Variants in PDE1C observed in about 807,000 individuals in gnomAD.
The protein encoded by PDE1C is dual specificity calcium/calmodulin-dependent 3',5'-cyclic nucleotide phosphodiesterase 1C.
Under a neutral mutation model 93.1 loss-of-function variants are expected in PDE1C, and 62 were observed. The ratio of observed to expected loss-of-function variants is 0.67; its 90% CI spans 0.54 to 0.82. PDE1C has a LOEUF of 0.82. Among genes scored for constraint, PDE1C ranks in the 40% least tolerant of loss-of-function variants. The pLI is 0.00. For synonymous variants in PDE1C, 325 were observed against 310.1 expected, an observed-to-expected ratio of 1.05 and a Z score of -0.50; for missense variants, 742 against 884.6, an observed-to-expected ratio of 0.84 and a Z score of 2.04.
chr7:32,183,650 T>A (rs1335061119), intron 2 of PDE1C, among the ~76,000 whole-genome samples: 1 of 152,188 alleles, frequency 6.6e-6, no homozygotes, highest in East Asian at 1.9e-4. Context: ...AAAAATTAAT[T>A]CAAGATGGAT....
intron 3 of PDE1C, among the ~76,000 whole-genome samples, chr7:32,118,501 A>G (rs183603685): frequency 1.3e-5 from 2 of 152,336 alleles, no homozygotes; most frequent in East Asian, 3.9e-4. Context: ...ACCTTATCTT[A>G]TAGTCTTGTT....
chr7:31,617,190 A>G, the PDE1C span, among the ~76,000 whole-genome samples: 1 of 152,330 alleles, frequency 6.6e-6, no homozygotes, highest in East Asian at 1.9e-4. Flanking sequence ...GGAGAAGGGA[A>G]GATCCTATTA....
chr7:31,634,600 A>G, the PDE1C span, among the ~76,000 whole-genome samples: 122 of 152,272 alleles, frequency 8.0e-4, no homozygotes, highest in African/African-American at 2.5e-3. Flanking sequence ...CATGGAGCCT[A>G]ACTAGATTTC....
At chr7:32,115,260 A>G (rs1349340564) in intron 3 of PDE1C, among the ~76,000 whole-genome samples, 1 of 152,256 alleles carries the variant, frequency 6.6e-6, no homozygotes, top group Non-Finnish European at 1.5e-5. Flanking sequence ...AATGTGGTAC[A>G]TATACACCAC....
chr7:31,927,985 G>C (rs1340534069), intron 2 of PDE1C, among the ~76,000 whole-genome samples: 1 of 151,932 alleles, frequency 6.6e-6, no homozygotes, highest in African/African-American at 2.4e-5. Flanking sequence ...GTAATAACAA[G>C]CTCCACTGAG....
the PDE1C span, chr7:31,686,863 T>TA: frequency 6.6e-6 from 1 of 152,168 alleles, no homozygotes; most frequent in Non-Finnish European, 1.5e-5. Flanking sequence ...GATTTAAACT[T>TA]AAATAGCTTT....
chr7:31,847,559 AG>A (rs1792792836), intron 9 of PDE1C, among the ~76,000 whole-genome samples: 1 of 152,132 alleles, frequency 6.6e-6, no homozygotes, highest in Non-Finnish European at 1.5e-5. Flanking sequence ...TAAAAAAAAA[AG>A]CAAATATATC....
intron 2 of PDE1C, among the ~76,000 whole-genome samples, chr7:32,202,658 G>A (rs1163171966): frequency 6.6e-6 from 1 of 152,214 alleles, no homozygotes; most frequent in Non-Finnish European, 1.5e-5. Flanking sequence ...TGGGCAAGCA[G>A]AGAAATTTTG....
At chr7:31,690,313 T>C in the PDE1C span, among the ~76,000 whole-genome samples, 3 of 152,266 alleles carry the variant, frequency 2.0e-5, no homozygotes, top group African/African-American at 7.2e-5. Flanking sequence ...CATGCAGCTA[T>C]GCTATTTCAT....
the PDE1C span, among the ~76,000 whole-genome samples, chr7:31,618,771 G>A: frequency 2.6e-5 from 4 of 152,194 alleles, no homozygotes; most frequent in African/African-American, 7.2e-5. Flanking sequence ...GCAAGTGTTG[G>A]CATCAGGATG....
chr7:32,290,409 C>G (rs1045742620), intron 1 of PDE1C, among the ~76,000 whole-genome samples: 9 of 152,180 alleles, frequency 5.9e-5, no homozygotes, highest in African/African-American at 2.2e-4. Context: ...TTCAGAATCC[C>G]TCCATCATCA....
intron 15 of PDE1C, among the ~76,000 whole-genome samples, chr7:31,814,233 T>C (rs1234520033): frequency 1.3e-5 from 2 of 152,120 alleles, no homozygotes; most frequent in Admixed American, 6.5e-5. Context: ...TCTTTTCCTC[T>C]GGGTAGATAC....
At chr7:31,782,834 A>G (rs1489038086) in intron 16 of PDE1C, among the ~76,000 whole-genome samples, 2 of 152,226 alleles carry the variant, frequency 1.3e-5, no homozygotes, top group Non-Finnish European at 2.9e-5. Flanking sequence ...AATAAATTAC[A>G]TGAGCTATTC....
chr7:32,309,186 G>T (rs1404250088), intron 1 of PDE1C, among the ~76,000 whole-genome samples: 1 of 152,086 alleles, frequency 6.6e-6, no homozygotes, highest in African/African-American at 2.4e-5. Context: ...AAGCAAGAAG[G>T]GAAGTTTAGA....
intron 1 of PDE1C, among the ~76,000 whole-genome samples, chr7:32,230,435 A>G (rs928094159): frequency 2.0e-5 from 3 of 152,126 alleles, no homozygotes; most frequent in African/African-American, 4.8e-5. Flanking sequence ...AGACTCCCCA[A>G]GGTGCAGCTT....
the PDE1C span, among the ~76,000 whole-genome samples, chr7:31,678,807 A>G: frequency 2.0e-5 from 3 of 152,304 alleles, no homozygotes; most frequent in African/African-American, 7.2e-5. Context: ...ATGTGAAATA[A>G]GAGTGTGTAC....
At chr7:32,138,801 T>A (rs1800350232) in intron 3 of PDE1C, among the ~76,000 whole-genome samples, 1 of 152,252 alleles carries the variant, frequency 6.6e-6, no homozygotes, top group Non-Finnish European at 1.5e-5. Flanking sequence ...TAGATCATTT[T>A]TATCATTTTT....
the PDE1C span, among the ~76,000 whole-genome samples, chr7:31,681,373 ATG>A: frequency 1.6e-3 from 3 of 1,860 alleles, no homozygotes; most frequent in Non-Finnish European, 4.0e-3. Flanking sequence ...GGATGGACGG[ATG>A]GATGGATGGA....
chr7:31,639,266 G>A, the PDE1C span, among the ~76,000 whole-genome samples: 2,523 of 151,968 alleles, frequency 0.017, 64 homozygotes, highest in African/African-American at 0.056. Context: ...ATGCATTTTC[G>A]TTTTAAAAAG....
Sources: gnomAD v4.1 joint callset for allele counts (sites outside exome capture counted in the v4.1 genomes callset) on GRCh38, gnomAD v4.1.1 for gene constraint, MANE v1.5 for transcripts, NCBI Gene and HGNC (gene_info 2026-07-23, HGNC 2026-07-21) for gene names.